Variants in TBC1D30 observed in about 807,000 individuals in gnomAD.
TBC1D30 encodes TBC1 domain family, member 30.
Under a neutral mutation model 63.2 loss-of-function variants are expected in TBC1D30, and 31 were observed. The ratio of observed to expected loss-of-function variants is 0.49; its 90% CI spans 0.37 to 0.66. The LOEUF is 0.66. Among genes scored for constraint, TBC1D30 ranks in the 30% least tolerant of loss-of-function variants. TBC1D30 has a pLI of 0.00. For synonymous variants in TBC1D30, 307 were observed against 361.5 expected (o/e 0.85, Z 1.71); for missense variants, 810 against 953.6 (o/e 0.85, Z 1.98).
chr12:64,827,822 A>G lies in TBC1D30; in HGVS notation c.155-13A>G. ...CTCCAAAAATAACATCTATTTATGT[A>G]TTTTTCTTTCAGGAGTTGATACCAA... On this transcript the variant is annotated splice_polypyrimidine_tract_variant and intron_variant, in intron 1 of 11. Transcript: ENST00000539867. 2.0e-6 allele frequency: 3 copies of G among 1,521,074 alleles called. No homozygotes were observed. Among genetic ancestry groups the G allele is most frequent in the Non-Finnish European group, 2.6e-6 (3 of 1,135,642 alleles). The allele number at this position is 1,521,074 out of a possible 1,614,324, so 94.2% of individuals were successfully genotyped here.
intron 2 of TBC1D30, among the ~76,000 whole-genome samples, chr12:64,790,449 G>C (rs184322760): frequency 1.3e-5 from 2 of 152,230 alleles, no homozygotes; most frequent in Admixed American, 1.3e-4. Context: ...GTATAGTTTT[G>C]CTATTTCCTG....
At chr12:64,770,612 C>T (rs1870869625) in intron 1 of TBC1D30, among the ~76,000 whole-genome samples, 1 of 152,204 alleles carries the variant, frequency 6.6e-6, no homozygotes, top group Non-Finnish European at 1.5e-5. Context: ...CCTGGTGCTG[C>T]CTGCTGGACT....
At chr12:64,824,609 C>A (rs878996317), upstream of TBC1D30, 2 of 362,398 alleles carry the variant, frequency 5.5e-6, no homozygotes, top group African/African-American at 4.2e-5. Context: ...CTCGCTCGCT[C>A]GCTCCCGCCC....
At chr12:64,802,004 ACAT>A (rs1872602328) in intron 2 of TBC1D30, among the ~76,000 whole-genome samples, 1 of 105,680 alleles carries the variant, frequency 9.5e-6, no homozygotes, top group African/African-American at 2.8e-5. Context: ...CAATGATGAA[ACAT>A]CATTTTTCTT....
upstream of TBC1D30, among the ~76,000 whole-genome samples, chr12:64,821,710 T>C (rs1427711915): frequency 1.1e-4 from 16 of 152,232 alleles, no homozygotes; most frequent in Admixed American, 1.0e-3. Context: ...TGAGATAGGC[T>C]GCAACAGCCA....
rs73325453 is a variant in TBC1D30 at position 64,829,464 on chromosome 12, G to C, written c.283-913G>C. ...TGAGTGATTGGGAGGTAGAATTACT[G>C]TTTACTCAGATGGGAGGAGTAGGTG... On this transcript the variant is annotated intron_variant, in intron 3 of 11. Transcript: ENST00000539867. 4.4e-3 allele frequency among the ~76,000 whole-genome samples: 666 copies of C among 152,240 alleles called. 7 individuals carry two copies. Among genetic ancestry groups the C allele is most frequent in the African/African-American group, 0.015 (623 of 41,536 alleles).
At chr12:64,841,388 TC>T (rs1875855269) in intron 7 of TBC1D30, among the ~76,000 whole-genome samples, 1 of 152,206 alleles carries the variant, frequency 6.6e-6, no homozygotes, top group South Asian at 2.1e-4. Flanking sequence ...TTTGGTTTCC[TC>T]CCTTGTCACC....
At position 64,830,512 on chromosome 12, in the gene TBC1D30, C is replaced by T. The variant is rs578039032; in HGVS notation, c.408+10C>T. The T allele has an allele frequency of 5.9e-5, 89 of 1,520,142 alleles. 1 individual carries two copies. In the African/African-American group the frequency reaches 1.2e-3, roughly 20 times the overall value. The allele number at this position is 1,520,142 out of a possible 1,614,324, so 94.2% of individuals were successfully genotyped here. A position where few individuals can be genotyped will look rare whatever the true frequency, so the allele number is the denominator to read the frequency against. ...AATTCAGATAGTCAAGGTAATGCCC[C>T]TGAACTTGGCCTGTCATCCTAATAT... is the stretch of plus-strand genomic sequence containing the variant. On this transcript the variant is annotated intron_variant, in intron 4 of 11. Transcript: ENST00000539867.
intron 2 of TBC1D30, among the ~76,000 whole-genome samples, chr12:64,814,520 T>A (rs1282602317): frequency 1.3e-5 from 2 of 152,218 alleles, no homozygotes; most frequent in East Asian, 3.8e-4. Flanking sequence ...AGTTTTCAAG[T>A]ATCAGGAAGG....
At chr12:64,765,831 A>C (rs1372802713) in intron 1 of TBC1D30, among the ~76,000 whole-genome samples, 2 of 87,926 alleles carry the variant, frequency 2.3e-5, no homozygotes, top group Non-Finnish European at 4.1e-5. Context: ...CCCCACCTCT[A>C]CAAAAAAAAA....
At chr12:64,791,628 C>T (rs777377532) in intron 2 of TBC1D30, among the ~76,000 whole-genome samples, 6 of 152,072 alleles carry the variant, frequency 3.9e-5, no homozygotes, top group Admixed American at 6.6e-5. Context: ...GATTCTCCCA[C>T]GGCCTCCCGA....
At position 64,769,351 on chromosome 12, in the gene TBC1D30, G is replaced by A. The variant is rs146495095; in HGVS notation, c.-376+9702G>A. ...CTCCTGAGTAGCTGGGATTACAGGC[G>A]TGCACCACCACGCTCGGCTAATTTT... On this transcript the variant is annotated intron_variant, in intron 1 of 13. Coordinates refer to the TBC1D30 transcript ENST00000674237. 3.8e-3 allele frequency among the ~76,000 whole-genome samples: 568 copies of A among 150,962 alleles called. 7 individuals carry two copies. Among genetic ancestry groups the A allele is most frequent in the African/African-American group, 0.013 (519 of 41,100 alleles).
chr12:64,872,723 A>G (rs1394599139), intron 11 of TBC1D30, among the ~76,000 whole-genome samples: 2 of 152,220 alleles, frequency 1.3e-5, no homozygotes, highest in African/African-American at 2.4e-5. Context: ...TAGGCAATTT[A>G]TAAGAGGCTT....
intron 7 of TBC1D30, among the ~76,000 whole-genome samples, chr12:64,841,632 A>G (rs774046457): frequency 1.1e-4 from 16 of 151,982 alleles, no homozygotes; most frequent in Non-Finnish European, 1.9e-4. Flanking sequence ...TCCTGCAACC[A>G]CTACCCCAGT....
chr12:64,827,470 GA>G (rs1458778573), intron 1 of TBC1D30, among the ~76,000 whole-genome samples: 1 of 152,152 alleles, frequency 6.6e-6, no homozygotes, highest in African/African-American at 2.4e-5. Context: ...TTAAAAAGAA[GA>G]AAAGGAATTG....
intron 8 of TBC1D30, among the ~76,000 whole-genome samples, chr12:64,853,894 A>G (rs1290045918): frequency 6.6e-6 from 1 of 152,124 alleles, no homozygotes; most frequent in African/African-American, 2.4e-5. Flanking sequence ...CACCTTCCGC[A>G]TTGATCTTGC....
chr12:64,775,671 A>T, upstream of TBC1D30, among the ~76,000 whole-genome samples: 1 of 152,244 alleles, frequency 6.6e-6, no homozygotes, highest in East Asian at 1.9e-4. Context: ...AGTCCCACAC[A>T]ATAATAGTGA....
intron 1 of TBC1D30, among the ~76,000 whole-genome samples, chr12:64,766,710 A>G (rs1303943365): frequency 6.6e-6 from 1 of 152,222 alleles, no homozygotes; most frequent in Non-Finnish European, 1.5e-5. Flanking sequence ...ACAGAGATCT[A>G]CAGAACTCTC....
intron 9 of TBC1D30, among the ~76,000 whole-genome samples, 200 bp downstream of exon 9, chr12:64,864,980 T>G (rs917839738): frequency 6.6e-6 from 1 of 151,930 alleles, no homozygotes; most frequent in African/African-American, 2.4e-5. Context: ...ATTTGGAACG[T>G]AAACTGAAGA....
Sources: gnomAD v4.1 joint callset for allele counts (sites outside exome capture counted in the v4.1 genomes callset) on GRCh38, gnomAD v4.1.1 for gene constraint, MANE v1.5 for transcripts, NCBI Gene and HGNC (gene_info 2026-07-23, HGNC 2026-07-21) for gene names.